The following TAFA2 variants were observed in gnomAD, a reference collection of about 807,000 sequenced individuals.
The protein encoded by TAFA2 is TAFA chemokine like family member 2, also known as chemokine-like protein TAFA-2.
In TAFA2, 7 loss-of-function variants were observed where a neutral mutation model predicts 18.8. The observed-to-expected ratio is 0.37, with a 90% CI of 0.21 to 0.70. TAFA2 has a LOEUF of 0.70. Among genes scored for constraint, TAFA2 ranks in the 30% least tolerant of loss-of-function variants. The pLI is 0.53. For synonymous variants in TAFA2, 60 were observed against 54.2 expected (o/e 1.11, Z -0.47); for missense variants, 122 against 158.1 (o/e 0.77, Z 1.23).
intron 1 of TAFA2, among the ~76,000 whole-genome samples, chr12:61,983,921 T>G (rs1879728588): frequency 6.6e-6 from 1 of 152,168 alleles, no homozygotes; most frequent in African/African-American, 2.4e-5. Flanking sequence ...CTAATCAGTC[T>G]TCCCTGAACT....
At chr12:62,246,331 A>G (rs999692766) in intron 1 of TAFA2, among the ~76,000 whole-genome samples, 1 of 152,118 alleles carries the variant, frequency 6.6e-6, no homozygotes, top group African/African-American at 2.4e-5. Flanking sequence ...ATCTCTAACT[A>G]TGATTTATTT....
intron 1 of TAFA2, among the ~76,000 whole-genome samples, chr12:61,919,251 G>T (rs190348766): frequency 5.3e-4 from 81 of 152,122 alleles, no homozygotes; most frequent in African/African-American, 1.7e-3. Flanking sequence ...CAAAAGACTT[G>T]CTAATTTAGT....
At chr12:62,171,599 C>T (rs2062478511) in intron 1 of TAFA2, among the ~76,000 whole-genome samples, 1 of 152,130 alleles carries the variant, frequency 6.6e-6, no homozygotes, top group Non-Finnish European at 1.5e-5. Flanking sequence ...AGCTTGCTTG[C>T]CCTTTTCACC....
intron 1 of TAFA2, among the ~76,000 whole-genome samples, chr12:61,985,032 G>C (rs535371791): frequency 6.6e-6 from 1 of 152,238 alleles, no homozygotes; most frequent in East Asian, 1.9e-4. Context: ...ATTGAGAGAG[G>C]GGGAGAGGGT....
At chr12:62,147,276 G>GTA (rs1324798010) in intron 1 of TAFA2, among the ~76,000 whole-genome samples, 1 of 140,536 alleles carries the variant, frequency 7.1e-6, no homozygotes, top group East Asian at 2.1e-4. Flanking sequence ...ATGTGTGTGT[G>GTA]TATATATATG....
chr12:62,205,645 T>A (rs2062688691), intron 1 of TAFA2, among the ~76,000 whole-genome samples: 1 of 152,100 alleles, frequency 6.6e-6, no homozygotes, highest in African/African-American at 2.4e-5. Flanking sequence ...TGTGGGGAAT[T>A]CCTCCTGGGT....
chr12:62,031,992 A>G (rs1310138331), intron 1 of TAFA2, among the ~76,000 whole-genome samples: 1 of 152,222 alleles, frequency 6.6e-6, no homozygotes, highest in Non-Finnish European at 1.5e-5. Context: ...CAAAGATTTT[A>G]ACAAGGCCCT....
At chr12:61,765,711 T>C (rs181484274) in intron 2 of TAFA2, among the ~76,000 whole-genome samples, 1 of 152,238 alleles carries the variant, frequency 6.6e-6, no homozygotes, top group African/African-American at 2.4e-5. Flanking sequence ...AACTTAGTGT[T>C]AGCTATAATT....
At chr12:61,767,879 A>C (rs948370392) in intron 2 of TAFA2, among the ~76,000 whole-genome samples, 9 of 152,110 alleles carry the variant, frequency 5.9e-5, no homozygotes, top group African/African-American at 2.2e-4. Context: ...TGTCATCTCA[A>C]CTAAGCTTTT....
chr12:62,063,883 CAT>C lies in TAFA2; in HGVS notation c.-2+127374_-2+127375del, dbSNP rs1491066220. Among the ~76,000 whole-genome samples, 32 of 151,532 alleles carry C rather than the reference CAT, an allele frequency of 2.1e-4. 1 individual carries two copies. In the South Asian group the frequency reaches 5.6e-3, roughly 27 times the overall value. ...ACACACACACACACACACACACACA[CAT>C]GCATACACACACACAAAATAGATTG... is the stretch of plus-strand genomic sequence containing the variant. On this transcript the variant is annotated intron_variant, in intron 1 of 4. Transcript: ENST00000416284.
At chr12:61,739,442 C>A (rs1374194797) in intron 4 of TAFA2, among the ~76,000 whole-genome samples, 4 of 151,976 alleles carry the variant, frequency 2.6e-5, no homozygotes, top group African/African-American at 4.8e-5. Context: ...GAAAATAATT[C>A]TATTATGATC....
chr12:62,012,503 T>C (rs1430538810), intron 1 of TAFA2, among the ~76,000 whole-genome samples: 1 of 152,118 alleles, frequency 6.6e-6, no homozygotes, highest in African/African-American at 2.4e-5. Context: ...ATGAGACATT[T>C]CCTATTTTTA....
chr12:62,202,824 T>C (rs1366102882), intron 1 of TAFA2, among the ~76,000 whole-genome samples: 38 of 129,822 alleles, frequency 2.9e-4, no homozygotes, highest in African/African-American at 1.2e-3. Context: ...TGTGGTTCTT[T>C]TTTTTTTTTT....
chr12:61,752,518 T>C (rs1869065584), intron 4 of TAFA2, among the ~76,000 whole-genome samples: 1 of 151,994 alleles, frequency 6.6e-6, no homozygotes, highest in Admixed American at 6.6e-5. Context: ...ATAATATAAT[T>C]ATCCTAACTA....
intron 1 of TAFA2, among the ~76,000 whole-genome samples, chr12:62,237,343 G>T (rs976380426): frequency 6.6e-6 from 1 of 152,170 alleles, no homozygotes; most frequent in Non-Finnish European, 1.5e-5. Context: ...GCATTTTTCA[G>T]TTTAACAAAC....
At chr12:61,993,066 G>T (rs1320175977) in intron 1 of TAFA2, among the ~76,000 whole-genome samples, 1 of 152,150 alleles carries the variant, frequency 6.6e-6, no homozygotes, top group Non-Finnish European at 1.5e-5. Flanking sequence ...CTAGAAACTG[G>T]CCACGCTGAA....
At chr12:61,936,135 T>C (rs554347597) in intron 1 of TAFA2, among the ~76,000 whole-genome samples, 35 of 152,244 alleles carry the variant, frequency 2.3e-4, no homozygotes, top group African/African-American at 8.2e-4. Context: ...TATACTATGA[T>C]CTAATGGGTT....
intron 1 of TAFA2, among the ~76,000 whole-genome samples, chr12:62,146,281 C>A (rs2062280047): frequency 9.3e-6 from 1 of 107,900 alleles, no homozygotes; most frequent in Non-Finnish European, 1.8e-5. Flanking sequence ...CTCCCCTTTG[C>A]TGCTTTTTTT....
intron 1 of TAFA2, among the ~76,000 whole-genome samples, chr12:62,077,461 A>G (rs1275480010): frequency 1.3e-5 from 2 of 152,228 alleles, no homozygotes; most frequent in African/African-American, 2.4e-5. Flanking sequence ...TCCTTTTTAA[A>G]TTGCTAAAAG....
Sources: gnomAD v4.1 joint callset for allele counts (sites outside exome capture counted in the v4.1 genomes callset) on GRCh38, gnomAD v4.1.1 for gene constraint, MANE v1.5 for transcripts, NCBI Gene and HGNC (gene_info 2026-07-23, HGNC 2026-07-21) for gene names.